RXRA: variants seen among roughly 807,000 people sequenced by gnomAD.
RXRA encodes retinoid X receptor alpha, also known as retinoic acid receptor RXR-alpha.
RXRA carries 5 observed loss-of-function variants against 44.5 expected under a neutral mutation model. The ratio of observed to expected loss-of-function variants is 0.11; its 90% CI spans 0.06 to 0.24. RXRA has a LOEUF of 0.24. Among genes scored for constraint, RXRA ranks in the 10% least tolerant of loss-of-function variants. RXRA has a pLI of 1.00. For synonymous variants in RXRA, 291 were observed against 271.4 expected (o/e 1.07, Z -0.71); for missense variants, 412 against 646.5 (o/e 0.64, Z 3.93).
intron 1 of RXRA, among the ~76,000 whole-genome samples, chr9:134,381,142 A>G (rs1465395866): frequency 6.6e-6 from 1 of 152,154 alleles, no homozygotes; most frequent in Non-Finnish European, 1.5e-5. Context: ...AAGGACAGAC[A>G]TGGGCTGGGA....
chr9:134,434,676 C>T lies in RXRA; in HGVS notation c.1241+469C>T, dbSNP rs35961175. Among the ~76,000 whole-genome samples the T allele has an allele frequency of 2.2e-3, 342 of 152,376 alleles. 2 individuals are homozygous for T. The highest frequency in any genetic ancestry group is 7.5e-3 in the African/African-American group (314 of 41,596). On this transcript the variant is annotated intron_variant, in intron 9 of 9. Coordinates refer to ENST00000481739, the MANE Select transcript of RXRA (RefSeq NM_002957.6). Reference sequence around the variant, plus strand: ...GTAGCGCTCATGTTTCCCCCCTGCCCGGCTGTGGGCCCTGGAAGGGCTGGG... The same window carrying T: ...GTAGCGCTCATGTTTCCCCCCTGCCTGGCTGTGGGCCCTGGAAGGGCTGGG...
chr9:134,409,125 C>A lies in RXRA; in HGVS notation c.610+6C>A. On this transcript the variant is annotated splice_donor_region_variant and intron_variant, in intron 4 of 9. Coordinates refer to ENST00000481739, the MANE Select transcript of RXRA (RefSeq NM_002957.6). ...CATGGGCATGAAGCGGGAAGGTAGG[C>A]CACGGCGTCGGGTGGGGGCGCGGGC... is the stretch of plus-strand genomic sequence containing the variant. 1.3e-6 allele frequency: 2 copies of A among 1,549,362 alleles called. No individual in the cohort carries two copies. Among genetic ancestry groups the A allele is most frequent in the South Asian group, 1.2e-5 (1 of 84,094 alleles).
intron 1 of RXRA, among the ~76,000 whole-genome samples, chr9:134,393,657 A>G (rs11102986): frequency 0.85 from 129,772 of 152,250 alleles, 55,649 homozygotes; most frequent in African/African-American, 0.95. Context: ...AGTAGGCATG[A>G]CAGGGTGGGG....
intron 1 of RXRA, among the ~76,000 whole-genome samples, chr9:134,398,010 G>A (rs939228317): frequency 3.3e-5 from 5 of 151,776 alleles, no homozygotes; most frequent in Admixed American, 2.6e-4. Flanking sequence ...GCAGAGTTTC[G>A]CTTTTGTCAC....
At chr9:134,424,402 T>TC in intron 6 of RXRA, 1 of 985,308 alleles carries the variant, frequency 1.0e-6, no homozygotes, top group Non-Finnish European at 1.2e-6. Context: ...CAGCCTGACC[T>TC]CCCCCTGGGC....
intron 1 of RXRA, among the ~76,000 whole-genome samples, chr9:134,391,539 C>G (rs1257189726): frequency 6.6e-6 from 1 of 152,242 alleles, no homozygotes; most frequent in Non-Finnish European, 1.5e-5. Flanking sequence ...TCCAGGAATT[C>G]CCCTGCTTCC....
chr9:134,329,758 G>A (rs1335753641), intron 1 of RXRA, among the ~76,000 whole-genome samples: 1 of 152,200 alleles, frequency 6.6e-6, no homozygotes, highest in Non-Finnish European at 1.5e-5. Flanking sequence ...AGGCCCCTCT[G>A]ACTGCCCTCT....
chr9:134,424,601 C>T, intron 6 of RXRA: 1 of 985,472 alleles, frequency 1.0e-6, no homozygotes, highest in African/African-American at 1.7e-5. Flanking sequence ...GTTCTGTCTG[C>T]CGGGGCCAGC....
At chr9:134,385,388 G>T (rs1055977420) in intron 1 of RXRA, among the ~76,000 whole-genome samples, 34 of 152,302 alleles carry the variant, frequency 2.2e-4, no homozygotes, top group African/African-American at 7.5e-4. Context: ...CAAGCCTCTC[G>T]AGGCGGGTTC....
intron 5 of RXRA, among the ~76,000 whole-genome samples, chr9:134,419,720 A>C (rs182609599): frequency 6.6e-6 from 1 of 152,270 alleles, no homozygotes; most frequent in East Asian, 1.9e-4. Context: ...CGAGAATGGG[A>C]GGCTCACAGA....
rs1214669529 is a variant in RXRA, at chr9:134,437,278, A to G, written c.*664A>G. The G allele has an allele frequency of 6.5e-6, 1 of 153,426 alleles. No individual in the cohort carries two copies. The highest frequency in any genetic ancestry group is 1.5e-5 in the Non-Finnish European group (1 of 68,706). 9.5% of individuals were successfully genotyped at this position (153,426 alleles called of 1,614,324 possible). A position where few individuals can be genotyped will look rare whatever the true frequency, so the allele number is the denominator to read the frequency against. Reference sequence around the variant, plus strand: ...GTTTTGCCCTCGAGCCAATGAGAACATGAGCTGCCCTCTGTGCAAGGTTTC... The same window carrying G: ...GTTTTGCCCTCGAGCCAATGAGAACGTGAGCTGCCCTCTGTGCAAGGTTTC... On this transcript the variant is annotated 3_prime_UTR_variant, in exon 10 of 10. Coordinates refer to ENST00000481739, the MANE Select transcript of RXRA (RefSeq NM_002957.6).
At chr9:134,381,488 G>A (rs1450795763) in intron 1 of RXRA, among the ~76,000 whole-genome samples, 1 of 152,132 alleles carries the variant, frequency 6.6e-6, no homozygotes, top group African/African-American at 2.4e-5. Flanking sequence ...AAGACGCAGA[G>A]GGAATGATTG....
At chr9:134,402,148 G>A (rs984796530) in intron 2 of RXRA, 6 of 522,496 alleles carry the variant, frequency 1.1e-5, no homozygotes, top group African/African-American at 3.9e-5. Context: ...TTCCCATGCC[G>A]GAGGGCTCGG....
intron 6 of RXRA, chr9:134,423,871 T>TGCCCCC: frequency 1.0e-6 from 1 of 972,940 alleles, no homozygotes; most frequent in Non-Finnish European, 1.2e-6. Flanking sequence ...AGGGCGGTGC[T>TGCCCCC]CCCACCCCAC....
At chr9:134,357,913 AG>A (rs1321062754) in intron 1 of RXRA, among the ~76,000 whole-genome samples, 4 of 152,180 alleles carry the variant, frequency 2.6e-5, no homozygotes, top group Non-Finnish European at 5.9e-5. Flanking sequence ...CCTGTGGGCA[AG>A]GGGAGGAGCC....
At chr9:134,363,009 T>C (rs934167204) in intron 1 of RXRA, among the ~76,000 whole-genome samples, 1 of 152,078 alleles carries the variant, frequency 6.6e-6, no homozygotes, top group Non-Finnish European at 1.5e-5. Flanking sequence ...TTGGGGAGAG[T>C]GTGGACGGTT....
At chr9:134,356,835 G>T (rs527603242) in intron 1 of RXRA, among the ~76,000 whole-genome samples, 1 of 152,192 alleles carries the variant, frequency 6.6e-6, no homozygotes, top group Non-Finnish European at 1.5e-5. Flanking sequence ...CCCTGCCCCA[G>T]CCTCACCCTG....
intron 1 of RXRA, among the ~76,000 whole-genome samples, chr9:134,336,045 A>T (rs1554747250): frequency 6.6e-6 from 1 of 151,858 alleles, no homozygotes; most frequent in Non-Finnish European, 1.5e-5. Context: ...AGCTGCCCCT[A>T]CCCCACCCCT....
At chr9:134,388,286 T>TGTGTGTGTGTGTGTGTGTGA (rs71381810) in intron 1 of RXRA, among the ~76,000 whole-genome samples, 99,339 of 150,864 alleles carry the variant, frequency 0.66, 33,231 homozygotes, top group East Asian at 0.74. Flanking sequence ...AGAAGCAGTG[T>TGTGTGTGTGTGTGTGTGTGA]GTGTGTGAGT....
Sources: allele counts gnomAD v4.1 joint callset (sites outside exome capture counted in the v4.1 genomes callset), GRCh38; gene constraint gnomAD v4.1.1; transcripts MANE v1.5; gene names NCBI Gene and HGNC (gene_info 2026-07-23, HGNC 2026-07-21).